Variants in TMEM39A observed in about 807,000 individuals in gnomAD.
TMEM39A encodes transmembrane protein 39A.
TMEM39A carries 19 observed loss-of-function variants against 51.9 expected under a neutral mutation model. The ratio of observed to expected loss-of-function variants is 0.37; its 90% CI spans 0.26 to 0.54. TMEM39A has a LOEUF of 0.54. Ranked by LOEUF, TMEM39A falls within the 20% of genes least tolerant of loss-of-function variation. TMEM39A has a pLI of 0.88. For missense variants in TMEM39A, 433 were observed against 590.5 expected, an observed-to-expected ratio of 0.73 and a Z score of 2.76; for synonymous variants, 197 against 220.2, an observed-to-expected ratio of 0.89 and a Z score of 0.93.
intron 3 of TMEM39A, among the ~76,000 whole-genome samples, chr3:119,454,745 T>TA (rs2081243252): frequency 6.6e-6 from 1 of 151,998 alleles, no homozygotes. Flanking sequence ...GCAGAGGTCA[T>TA]ACCACTGCAC....
chr3:119,452,005 T>C (rs2081207075), intron 4 of TMEM39A, among the ~76,000 whole-genome samples: 2 of 152,212 alleles, frequency 1.3e-5, no homozygotes, highest in African/African-American at 4.8e-5. Flanking sequence ...TCACTGGTTT[T>C]TAAAATTCTA....
At chr3:119,460,223 AAGG>A (rs1200066129) in intron 2 of TMEM39A, among the ~76,000 whole-genome samples, 3 of 152,144 alleles carry the variant, frequency 2.0e-5, no homozygotes, top group African/African-American at 4.8e-5. Context: ...ACATATGTTA[AAGG>A]AGGAGAGAAA....
chr3:119,446,871 T>A, intron 5 of TMEM39A, 147 bp downstream of exon 5: 1 of 930,734 alleles, frequency 1.1e-6, no homozygotes, highest in Non-Finnish European at 1.6e-6. Context: ...ACAAATTATA[T>A]GTTCACCATG....
At position 119,458,159 on chromosome 3, in the gene TMEM39A, AG is replaced by A; in HGVS notation, c.194del (p.Pro65LeufsTer48). 1.2e-6 allele frequency: 2 copies of A among 1,614,236 alleles called. No individual in the cohort carries two copies. Among genetic ancestry groups the A allele is most frequent in the Non-Finnish European group, 8.5e-7 (1 of 1,180,032 alleles). On this transcript the variant is annotated frameshift_variant, in exon 3 of 9. Coordinates refer to ENST00000319172, the MANE Select transcript of TMEM39A (RefSeq NM_018266.3). LOFTEE classifies it high-confidence loss of function. ...GTAGGCTCCCATCCACAGGCAAGTC[AG>A]GAATTTGGCAATGACGAACAGGACC... ...TPGPVRHCQI[P>X]DLPVDGSLLF...
intron 7 of TMEM39A, 141 bp from the exon 8 acceptor site, chr3:119,435,023 T>C (rs1577046917): frequency 2.2e-6 from 3 of 1,394,968 alleles, no homozygotes; most frequent in Non-Finnish European, 2.8e-6. Context: ...AGTAATTCCA[T>C]GGTCAAACTG....
intron 2 of TMEM39A, among the ~76,000 whole-genome samples, chr3:119,461,642 A>G (rs902221164): frequency 2.6e-5 from 4 of 151,362 alleles, no homozygotes; most frequent in African/African-American, 9.7e-5. Flanking sequence ...AAGAATGCTT[A>G]TAAGTAGATA....
At chr3:119,448,387 C>G (rs985311778) in intron 4 of TMEM39A, among the ~76,000 whole-genome samples, 1 of 152,122 alleles carries the variant, frequency 6.6e-6, no homozygotes. Context: ...AAAAAATTAT[C>G]TAGAGTCAAC....
chr3:119,459,256 C>T (rs113790712), intron 2 of TMEM39A, among the ~76,000 whole-genome samples: 2,007 of 152,270 alleles, frequency 0.013, 44 homozygotes, highest in African/African-American at 0.045. Flanking sequence ...TTTATACAAA[C>T]AATGTGGTTT....
intron 5 of TMEM39A, 191 bp downstream of exon 5, chr3:119,446,827 T>G: frequency 1.6e-6 from 1 of 626,122 alleles, no homozygotes; most frequent in Non-Finnish European, 2.7e-6. Context: ...TCCTGGTTTA[T>G]GCCTGTTGTC....
chr3:119,451,200 T>A (rs563874612), intron 4 of TMEM39A: 1 of 1,236,336 alleles, frequency 8.1e-7, no homozygotes, highest in African/African-American at 1.6e-5. Context: ...AAACAAGGAA[T>A]CCTACTACCT....
chr3:119,460,120 C>T (rs181809273), intron 2 of TMEM39A, among the ~76,000 whole-genome samples: 1 of 152,000 alleles, frequency 6.6e-6, no homozygotes, highest in East Asian at 1.9e-4. Flanking sequence ...GGTGACTTTT[C>T]AAACCATAAA....
chr3:119,433,494 A>G (rs936678119), intron 8 of TMEM39A, among the ~76,000 whole-genome samples: 6 of 152,148 alleles, frequency 3.9e-5, no homozygotes, highest in Non-Finnish European at 7.4e-5. Context: ...ATCAGTAATA[A>G]ATCAACTTGC....
At chr3:119,459,175 C>G (rs373475983) in intron 2 of TMEM39A, among the ~76,000 whole-genome samples, 13 of 152,222 alleles carry the variant, frequency 8.5e-5, no homozygotes, top group Admixed American at 3.3e-4. Flanking sequence ...GGAACCATGA[C>G]TAGTAAACAG....
intron 2 of TMEM39A, among the ~76,000 whole-genome samples, chr3:119,459,746 G>A (rs1002033472): frequency 2.0e-5 from 3 of 152,080 alleles, no homozygotes; most frequent in African/African-American, 7.2e-5. Flanking sequence ...CAGACCACAA[G>A]CACCTACCAA....
intron 1 of TMEM39A, 32 bp from the exon 2 acceptor site, chr3:119,462,180 TAG>T: frequency 1.3e-6 from 1 of 757,354 alleles, no homozygotes. Context: ...TAAACATCAG[TAG>T]ACTATTTTTA....
chr3:119,434,082 T>C (rs954365731), intron 8 of TMEM39A, among the ~76,000 whole-genome samples: 2 of 152,134 alleles, frequency 1.3e-5, no homozygotes, highest in African/African-American at 2.4e-5. Flanking sequence ...CTATAAACAG[T>C]CCCCTGCAGG....
At chr3:119,446,242 A>G (rs2081123167) in intron 5 of TMEM39A, among the ~76,000 whole-genome samples, 1 of 152,242 alleles carries the variant, frequency 6.6e-6, no homozygotes, top group African/African-American at 2.4e-5. Context: ...AGCACTTTAC[A>G]GCTTTCCTTT....
At chr3:119,455,882 AC>A (rs979851910) in intron 3 of TMEM39A, among the ~76,000 whole-genome samples, 3 of 152,196 alleles carry the variant, frequency 2.0e-5, no homozygotes, top group African/African-American at 7.2e-5. Context: ...TAAATATAGG[AC>A]TAAAACAGGA....
At position 119,458,011 on chromosome 3, in the gene TMEM39A, G is replaced by T; in HGVS notation, c.336+7C>A. Reference sequence around the variant, plus strand: ...CATGAAGAACTTAAAGTCTGAGTAAGACTTACCAGTGATGTACAAGAAGCA... The same window carrying T: ...CATGAAGAACTTAAAGTCTGAGTAATACTTACCAGTGATGTACAAGAAGCA... On this transcript the variant is annotated splice_region_variant and intron_variant, in intron 3 of 8. Coordinates refer to ENST00000319172, the MANE Select transcript of TMEM39A (RefSeq NM_018266.3). 1 of 1,606,590 alleles carries T rather than the reference G, an allele frequency of 6.2e-7. No individual in the cohort carries two copies. Among genetic ancestry groups the T allele is most frequent in the South Asian group, 1.1e-5 (1 of 90,808 alleles).
Sources: gnomAD v4.1 joint callset for allele counts (sites outside exome capture counted in the v4.1 genomes callset) on GRCh38, gnomAD v4.1.1 for gene constraint, MANE v1.5 for transcripts, NCBI Gene and HGNC (gene_info 2026-07-23, HGNC 2026-07-21) for gene names.